The following FAM135B variants were observed in gnomAD, a reference collection of about 807,000 sequenced individuals.
The protein encoded by FAM135B is protein FAM135B.
FAM135B carries 43 observed loss-of-function variants against 127.7 expected under a neutral mutation model. That is an observed-to-expected ratio of 0.34 (90% CI 0.26 to 0.43). The LOEUF (loss-of-function observed/expected upper bound fraction) is 0.43. Ranked by LOEUF, FAM135B falls within the 20% of genes least tolerant of loss-of-function variation. The probability of loss-of-function intolerance (pLI) is 1.00; values close to 1 mark genes in which losing one functional copy is unlikely to be tolerated. For missense variants in FAM135B, 1,558 were observed against 1,725.6 expected, an observed-to-expected ratio of 0.90 and a Z score of 1.72; for synonymous variants, 670 against 665.1, an observed-to-expected ratio of 1.01 and a Z score of -0.11.
intron 1 of FAM135B, among the ~76,000 whole-genome samples, chr8:138,444,371 C>T (rs1835982071): frequency 6.6e-6 from 1 of 152,184 alleles, no homozygotes; most frequent in South Asian, 2.1e-4. Context: ...CCACACCACA[C>T]TTATTCCAAA....
intron 3 of FAM135B, among the ~76,000 whole-genome samples, chr8:138,266,767 T>A (rs1822966823): frequency 7.5e-6 from 1 of 133,564 alleles, no homozygotes; most frequent in Non-Finnish European, 1.6e-5. Flanking sequence ...TACATGTAAA[T>A]ACATATATAT....
At chr8:138,235,808 C>T (rs1349135015) in intron 7 of FAM135B, among the ~76,000 whole-genome samples, 3 of 152,172 alleles carry the variant, frequency 2.0e-5, no homozygotes, top group Non-Finnish European at 4.4e-5. Flanking sequence ...TACTGTTCTA[C>T]GATTCTCTGC....
intron 1 of FAM135B, among the ~76,000 whole-genome samples, chr8:138,397,393 G>A (rs1832911103): frequency 6.6e-6 from 1 of 152,210 alleles, no homozygotes; most frequent in African/African-American, 2.4e-5. Context: ...TCCTTTTAGA[G>A]TGATAAAAAT....
Position 138,131,728 on chromosome 8 carries a change from G to A in FAM135B, c.*865C>T, listed in dbSNP as rs556398082. 4.6e-5 allele frequency: 7 copies of A among 152,716 alleles called. No individual in the cohort carries two copies. In the South Asian group the frequency reaches 1.0e-3, roughly 23 times the overall value. 9.5% of individuals were successfully genotyped at this position (152,716 alleles called of 1,614,324 possible). On this transcript the variant is annotated 3_prime_UTR_variant, in exon 20 of 20. Coordinates refer to ENST00000395297, the MANE Select transcript of FAM135B (RefSeq NM_015912.4). The stretch of plus-strand genomic sequence containing the variant: ...GCTAACATAGCATGTCTTTGGAAGT[G>A]TATCAGCAGGAGCTTCACACGTGTG...
chr8:138,367,133 T>C (rs563524599), intron 2 of FAM135B, among the ~76,000 whole-genome samples: 128 of 152,350 alleles, frequency 8.4e-4, no homozygotes, highest in African/African-American at 2.9e-3. Context: ...AAGTTCGTTA[T>C]GCAACAAAAG....
At chr8:138,215,257 A>T (rs764348236) in intron 7 of FAM135B, among the ~76,000 whole-genome samples, 6 of 152,200 alleles carry the variant, frequency 3.9e-5, no homozygotes, top group Admixed American at 2.6e-4. Flanking sequence ...ATGAGGGAAA[A>T]CTAATAGATT....
intron 4 of FAM135B, among the ~76,000 whole-genome samples, chr8:138,262,901 C>CCGA (rs1822642346): frequency 1.0e-4 from 2 of 20,072 alleles, no homozygotes; most frequent in Admixed American, 5.6e-4. Flanking sequence ...GACTCTGTCT[C>CCGA]AGAAAAAAAA....
intron 1 of FAM135B, among the ~76,000 whole-genome samples, chr8:138,442,267 T>TATATATATACATATAC (rs1554694338): frequency 6.9e-5 from 6 of 86,762 alleles, no homozygotes; most frequent in Non-Finnish European, 1.2e-4. Context: ...TATATATATA[T>TATATATATACATATAC]ATATATATAT....
intron 1 of FAM135B, among the ~76,000 whole-genome samples, chr8:138,442,527 C>T (rs1227366003): frequency 6.6e-6 from 1 of 151,822 alleles, no homozygotes; most frequent in African/African-American, 2.4e-5. Context: ...TCTAGAGTTA[C>T]TATTTTTTCT....
intron 7 of FAM135B, among the ~76,000 whole-genome samples, chr8:138,206,178 G>A (rs1460962367): frequency 1.4e-5 from 2 of 139,550 alleles, no homozygotes; most frequent in Admixed American, 1.4e-4. Flanking sequence ...ACCTCTGCAA[G>A]GCTCCAGCAT....
chr8:138,261,768 A>ATCT (rs10628311), intron 4 of FAM135B, among the ~76,000 whole-genome samples: 152,157 of 152,302 alleles, frequency 1, 76,006 homozygotes, highest in Non-Finnish European at 1. Context: ...GCACAACTGA[A>ATCT]TCTTCATGTC....
At chr8:138,416,847 G>C (rs1834185800) in intron 1 of FAM135B, among the ~76,000 whole-genome samples, 1 of 152,126 alleles carries the variant, frequency 6.6e-6, no homozygotes, top group Non-Finnish European at 1.5e-5. Flanking sequence ...GAGGAAGGTA[G>C]AAGCCCTGCA....
At chr8:138,377,434 G>C (rs1519366) in intron 1 of FAM135B, among the ~76,000 whole-genome samples, 75,494 of 151,930 alleles carry the variant, frequency 0.5, 20,777 homozygotes, top group East Asian at 0.82. Context: ...GCTCATGGTT[G>C]TGGAGGCTGG....
chr8:138,447,132 G>A (rs553298156), intron 1 of FAM135B, among the ~76,000 whole-genome samples: 245 of 152,034 alleles, frequency 1.6e-3, no homozygotes, highest in African/African-American at 4.9e-3. Flanking sequence ...TTAGAATGGC[G>A]ATCATTAAAA....
Position 138,131,604 on chromosome 8 carries a change from T to C in FAM135B, c.*989A>G, listed in dbSNP as rs186693243. 4.5e-4 allele frequency: 69 copies of C among 152,768 alleles called. No homozygotes were observed. Among genetic ancestry groups the C allele is most frequent in the African/African-American group, 1.6e-3 (66 of 41,580 alleles). The allele number at this position is 152,768 out of a possible 1,614,324, so 9.5% of individuals were successfully genotyped here. The stretch of plus-strand genomic sequence containing the variant: ...CCTTCTTAGAGCTCCCCTGAGGTTT[T>C]AATCCAGCACTCCTCCATTTAGATG... On this transcript the variant is annotated 3_prime_UTR_variant, in exon 20 of 20. Coordinates refer to ENST00000395297, the MANE Select transcript of FAM135B (RefSeq NM_015912.4).
chr8:138,418,940 C>T (rs34939523), intron 1 of FAM135B, among the ~76,000 whole-genome samples: 10,127 of 147,026 alleles, frequency 0.069, 785 homozygotes, highest in East Asian at 0.26. Context: ...ACAACAACTA[C>T]ACAATAAAGT....
intron 5 of FAM135B, among the ~76,000 whole-genome samples, chr8:138,254,096 C>T (rs184693567): frequency 4.6e-5 from 7 of 152,268 alleles, no homozygotes; most frequent in Non-Finnish European, 7.4e-5. Flanking sequence ...CATCAGATTG[C>T]GTACTTGGCC....
intron 1 of FAM135B, among the ~76,000 whole-genome samples, chr8:138,417,735 T>G (rs1228562341): frequency 6.6e-6 from 1 of 152,080 alleles, no homozygotes; most frequent in Non-Finnish European, 1.5e-5. Flanking sequence ...CTGAAATCAA[T>G]GAGAAATTAA....
chr8:138,262,623 G>A (rs1314093738), intron 4 of FAM135B, among the ~76,000 whole-genome samples: 1 of 152,096 alleles, frequency 6.6e-6, no homozygotes, highest in Non-Finnish European at 1.5e-5. Context: ...ACTAACGGCT[G>A]GGCGCGGTGG....
Sources: gnomAD v4.1 joint callset for allele counts (sites outside exome capture counted in the v4.1 genomes callset) on GRCh38, gnomAD v4.1.1 for gene constraint, MANE v1.5 for transcripts, NCBI Gene and HGNC (gene_info 2026-07-23, HGNC 2026-07-21) for gene names.